FOSB: variants seen among roughly 807,000 people sequenced by gnomAD.
FOSB encodes protein FosB.
In FOSB, 8 loss-of-function variants were observed where a neutral mutation model predicts 31.1. That is an observed-to-expected ratio of 0.26 (90% CI 0.15 to 0.46). FOSB has a LOEUF of 0.46. Among genes scored for constraint, FOSB ranks in the 20% least tolerant of loss-of-function variants. The pLI is 0.99. For missense variants in FOSB, 376 were observed against 460.6 expected, an observed-to-expected ratio of 0.82 and a Z score of 1.68; for synonymous variants, 214 against 206.1, an observed-to-expected ratio of 1.04 and a Z score of -0.33.
chr19:45,474,933 T>G lies in FOSB; in HGVS notation c.*1921T>G, dbSNP rs1193154942. ...AGATTTTATTTTTTGTGAGTGAGAC[T>G]GAGGGATCGTAGATTTTTACAATCT... On this transcript the variant is annotated 3_prime_UTR_variant, in exon 4 of 4. Coordinates refer to ENST00000353609, the MANE Select transcript of FOSB (RefSeq NM_006732.3). 1 of 152,232 alleles carries G rather than the reference T, an allele frequency of 6.6e-6. No individual in the cohort carries two copies. Among genetic ancestry groups the G allele is most frequent in the Non-Finnish European group, 1.5e-5 (1 of 68,040 alleles). 9.4% of individuals were successfully genotyped at this position (152,232 alleles called of 1,614,324 possible).
At position 45,472,436 on chromosome 19, in the gene FOSB, C is replaced by T. The variant is rs1002039909; in HGVS notation, c.556-115C>T. The T allele has an allele frequency of 1.5e-5, 12 of 807,800 alleles. No individual in the cohort carries two copies. The highest frequency in any genetic ancestry group is 6.9e-5 in the Admixed American group (2 of 28,902). The allele number at this position is 807,800 out of a possible 1,614,324, so 50.0% of individuals were successfully genotyped here. On this transcript the variant is annotated intron_variant, in intron 3 of 3. Coordinates refer to ENST00000353609, the MANE Select transcript of FOSB (RefSeq NM_006732.3). This position sits in a 1 kb window ranked among gnomAD's most constrained non-coding sequence, Gnocchi z 5.4. ...TCTCAGGAGGTGTTTTTTCTCAGCC[C>T]GGGGCTGCCTTCCAGCAGCAAGTCC...
In FOSB at chr19:45,472,330, C is replaced by T. The variant is rs1283336590; in HGVS notation, c.556-221C>T. Among the ~76,000 whole-genome samples, 1 of 152,196 alleles carries T rather than the reference C, an allele frequency of 6.6e-6. No individual in the cohort carries two copies. The highest frequency in any genetic ancestry group is 1.9e-4 in the East Asian group (1 of 5,198). On this transcript the variant is annotated intron_variant, in intron 3 of 3. Coordinates refer to ENST00000353609, the MANE Select transcript of FOSB (RefSeq NM_006732.3). The surrounding 1 kb of genome is among the most constrained non-coding windows in gnomAD (Gnocchi z 5.4). ...CCCATAAACCTGGCCCCTTCTGTAC[C>T]ATCCTTTGGACAGATGGGGGAAACT... is the stretch of plus-strand genomic sequence containing the variant.
chr19:45,471,774 C>A, intron 3 of FOSB: 1 of 157,688 alleles, frequency 6.3e-6, no homozygotes, highest in African/African-American at 2.4e-5. Flanking sequence ...GGTGGCATCC[C>A]CCAAAACCCA....
chr19:45,471,496 T>TCCCCCCCCCCCCCCCCCCCCCCCC (rs3831491), intron 3 of FOSB, 195 bp downstream of exon 3: 1 of 362,734 alleles, frequency 2.8e-6, no homozygotes, highest in Non-Finnish European at 4.9e-6. Flanking sequence ...CAACTCCTGG[T>TCCCCCCCCCCCCCCCCCCCCCCCC]CCCCCCCCCA....
chr19:45,469,131 G>C (rs1342275860), intron 1 of FOSB, among the ~76,000 whole-genome samples: 2 of 152,212 alleles, frequency 1.3e-5, no homozygotes, highest in African/African-American at 2.4e-5. Context: ...CCTTCGGAGC[G>C]CCCACTTCGG....
chr19:45,471,108 TG>T, intron 2 of FOSB, 85 bp from the exon 3 acceptor site: 2 of 1,402,776 alleles, frequency 1.4e-6, no homozygotes, highest in East Asian at 2.5e-5. Context: ...TTTTGGCTCT[TG>T]GGGGTTCTGA....
intron 3 of FOSB, 194 bp downstream of exon 3, chr19:45,471,495 G>GC (rs1316780338): frequency 1.5e-5 from 6 of 399,250 alleles, no homozygotes; most frequent in South Asian, 1.4e-4. Flanking sequence ...TCAACTCCTG[G>GC]TCCCCCCCCC....
In FOSB at chr19:45,471,298, G is replaced by A. The variant is rs1413222692; in HGVS notation, c.552G>A (p.Gln184=). The A allele has an allele frequency of 1.3e-5, 21 of 1,558,688 alleles. No individual in the cohort carries two copies. Among genetic ancestry groups the A allele is most frequent in the Admixed American group, 1.9e-5 (1 of 52,076 alleles). The part of the protein sequence containing the change: ...NRRRELTDRL[Q]AETDQLEEEK... ...GGAGGGAGCTGACCGACCGACTCCA[G>A]GCGGTGAGGACAGGCCCTGGGGTGG... The change falls in exon 3 of 4, where the codon CAG becomes CAA. Residue 184 remains glutamine (Q), a synonymous_variant. Transcript: ENST00000353609.
At chr19:45,469,348 G>A (rs1176460548) in intron 1 of FOSB, among the ~76,000 whole-genome samples, 1 of 152,214 alleles carries the variant, frequency 6.6e-6, no homozygotes, top group South Asian at 2.1e-4. Context: ...ATTTTGGAAC[G>A]CCGGGGCCAC....
chr19:45,469,005 C>G (rs1050026102), intron 1 of FOSB, among the ~76,000 whole-genome samples: 3 of 152,202 alleles, frequency 2.0e-5, no homozygotes, highest in Non-Finnish European at 4.4e-5. Context: ...GGGCTGAGAA[C>G]TTTGAGCCGG....
At position 45,473,358 on chromosome 19, in the gene FOSB, G is replaced by T; in HGVS notation, c.*346G>T. On this transcript the variant is annotated 3_prime_UTR_variant, in exon 4 of 4. Coordinates refer to ENST00000353609, the MANE Select transcript of FOSB (RefSeq NM_006732.3). ...AGGGGGGCGGGTGACGCCCACCTTC[G>T]GGCAGTCCTGTGTGAGGATTAAGGG... 3.3e-6 allele frequency: 1 copy of T among 301,854 alleles called. No individual in the cohort carries two copies. Among genetic ancestry groups the T allele is most frequent in the Non-Finnish European group, 6.2e-6 (1 of 160,922 alleles). 18.7% of individuals were successfully genotyped at this position (301,854 alleles called of 1,614,324 possible).
chr19:45,470,460 G>C (rs1028525940), intron 1 of FOSB, 169 bp from the exon 2 acceptor site: 1 of 656,150 alleles, frequency 1.5e-6, no homozygotes, highest in Non-Finnish European at 2.7e-6. Context: ...CTGCGTCACG[G>C]TGTAGTGGAA....
In FOSB at chr19:45,474,993, T is replaced by C. The variant is rs1291115913; in HGVS notation, c.*1981T>C. On this transcript the variant is annotated 3_prime_UTR_variant, in exon 4 of 4. Coordinates refer to ENST00000353609, the MANE Select transcript of FOSB (RefSeq NM_006732.3). ...ACAATTCTGGGTGCGAGTGTGAGAG[T>C]GTGAGCAGGGCTTGCTCCTGCCAAC... 6.6e-6 allele frequency: 1 copy of C among 152,184 alleles called. No individual in the cohort carries two copies. Among genetic ancestry groups the C allele is most frequent in the Non-Finnish European group, 1.5e-5 (1 of 68,048 alleles). The allele number at this position is 152,184 out of a possible 1,614,324, so 9.4% of individuals were successfully genotyped here.
In FOSB at chr19:45,472,210, G is replaced by A; in HGVS notation, c.556-341G>A. The A allele has an allele frequency of 5.2e-6, 1 of 193,916 alleles. No individual in the cohort carries two copies. Among genetic ancestry groups the A allele is most frequent in the Non-Finnish European group, 1.0e-5 (1 of 96,058 alleles). 12.0% of individuals were successfully genotyped at this position (193,916 alleles called of 1,614,324 possible). On this transcript the variant is annotated intron_variant, in intron 3 of 3. Transcript: ENST00000353609. The surrounding 1 kb of genome is among the most constrained non-coding windows in gnomAD (Gnocchi z 5.4). ...ATTGCACTATTGCACTCCAGCCTGG[G>A]GGACAGAGCGAGACTCTGGCTCAAA...
chr19:45,470,856 T>G lies in FOSB; in HGVS notation c.354T>G (p.Ser118Arg), dbSNP rs1453392589. 1 of 1,613,070 alleles carries G rather than the reference T, an allele frequency of 6.2e-7. No individual in the cohort carries two copies. Among genetic ancestry groups the G allele is most frequent in the Non-Finnish European group, 8.5e-7 (1 of 1,179,792 alleles). ...GTGGCTACAGCAGTGGCGGAGCGAG[T>G]GGCAGTGGTGGGCCTTCCACCAGCG... Reference protein sequence around the residue: ...GMSGYSSGGASGSGGPSTSGT... With the variant: ...GMSGYSSGGARGSGGPSTSGT... The change falls in exon 2 of 4, where the codon AGT becomes AGG. Residue 118 changes from serine to arginine, a missense_variant. Ser to Arg is a moderately radical substitution (Grantham distance 110, BLOSUM62 -1). Coordinates refer to ENST00000353609, the MANE Select transcript of FOSB (RefSeq NM_006732.3).
Position 45,474,090 on chromosome 19 carries a change from G to C in FOSB, c.*1078G>C, listed in dbSNP as rs940340921. ...GGGGGTGACAGTCCTCCATCCACGT[G>C]GCCTCTCTCTCTCTCCTCAGGACCC... On this transcript the variant is annotated 3_prime_UTR_variant, in exon 4 of 4. Coordinates refer to ENST00000353609, the MANE Select transcript of FOSB (RefSeq NM_006732.3). 6.6e-6 allele frequency: 1 copy of C among 152,278 alleles called. No homozygotes were observed. Among genetic ancestry groups the C allele is most frequent in the Non-Finnish European group, 1.5e-5 (1 of 68,334 alleles). The allele number at this position is 152,278 out of a possible 1,614,324, so 9.4% of individuals were successfully genotyped here. A position where few individuals can be genotyped will look rare whatever the true frequency, so the allele number is the denominator to read the frequency against.
At chr19:45,469,606 C>T (rs1169493738) in intron 1 of FOSB, among the ~76,000 whole-genome samples, 1 of 152,128 alleles carries the variant, frequency 6.6e-6, no homozygotes, top group East Asian at 1.9e-4. Flanking sequence ...GGGATCTAGT[C>T]CCTGGGCTCT....
At chr19:45,471,127 A>G in intron 2 of FOSB, 67 bp from the exon 3 acceptor site, 3 of 1,431,626 alleles carry the variant, frequency 2.1e-6, no homozygotes, top group Non-Finnish European at 1.9e-6. Context: ...TGAAAGAAGT[A>G]GAGGTTCGGG....
At position 45,468,602 on chromosome 19, in the gene FOSB, C is replaced by G. The variant is rs745875857; in HGVS notation, c.16C>G (p.Pro6Ala). 1 of 1,612,882 alleles carries G rather than the reference C, an allele frequency of 6.2e-7. No homozygotes were observed. Among genetic ancestry groups the G allele is most frequent in the Non-Finnish European group, 8.5e-7 (1 of 1,179,688 alleles). Residue 6 changes from proline (P) to alanine (A), a missense_variant, in exon 1 of 4, where the codon CCC (proline) becomes GCC (alanine). Physicochemically the swap from Pro to Ala is conservative, Grantham distance 27 (BLOSUM62 -1). Transcript: ENST00000353609. The surrounding 1 kb of genome is among the most constrained non-coding windows in gnomAD (Gnocchi z 4.8). MFQAF[P>A]GDYDSGSRCS... ...GCCCAGGGAAATGTTTCAGGCTTTC[C>G]CCGGAGACTACGACTCCGGCTCCCG...
Sources: gnomAD v4.1 joint callset for allele counts (sites outside exome capture counted in the v4.1 genomes callset) on GRCh38, gnomAD v4.1.1 for gene constraint, Gnocchi (gnomAD v3.1) non-coding constraint, MANE v1.5 for transcripts, NCBI Gene and HGNC (gene_info 2026-07-23, HGNC 2026-07-21) for gene names.